Variants in NRDC observed in about 807,000 individuals in gnomAD.
NRDC encodes the protein nardilysin convertase.
A neutral mutation model predicts 147.1 loss-of-function variants in NRDC; 54 were observed. That is an observed-to-expected ratio of 0.37 (90% CI 0.29 to 0.46). NRDC has a LOEUF of 0.46. Among genes scored for constraint, NRDC ranks in the 20% least tolerant of loss-of-function variants. NRDC has a pLI of 1.00. For missense variants in NRDC, 1,082 were observed against 1,370.6 expected (o/e 0.79, Z 3.33); for synonymous variants, 440 against 482.1 (o/e 0.91, Z 1.14).
At chr1:51,808,477 T>G (rs1013387199) in intron 17 of NRDC, among the ~76,000 whole-genome samples, 1 of 152,258 alleles carries the variant, frequency 6.6e-6, no homozygotes, top group African/African-American at 2.4e-5. Flanking sequence ...CTACACTTTT[T>G]ATGAGTAATA....
intron 1 of NRDC, among the ~76,000 whole-genome samples, chr1:51,857,547 C>T (rs1485563096): frequency 2.6e-5 from 4 of 152,188 alleles, no homozygotes; most frequent in Non-Finnish European, 4.4e-5. Flanking sequence ...TCACGATGTC[C>T]ATTGCTTTCT....
chr1:51,798,158 A>C, intron 22 of NRDC, 91 bp downstream of exon 22: 2 of 1,352,738 alleles, frequency 1.5e-6, no homozygotes, highest in East Asian at 2.3e-5. Flanking sequence ...TGGCCTGCCA[A>C]AACTACAGCT....
At chr1:51,790,782 TATTGTA>T in intron 28 of NRDC, 112 bp downstream of exon 28, 1 of 965,102 alleles carries the variant, frequency 1.0e-6, no homozygotes, top group Non-Finnish European at 1.6e-6. Context: ...AGGGAGACAC[TATTGTA>T]AGAGGAAGGT....
intron 6 of NRDC, 151 bp from the exon 7 acceptor site, chr1:51,823,937 A>G (rs1680326175): frequency 2.0e-6 from 1 of 496,928 alleles, no homozygotes; most frequent in Admixed American, 3.6e-5. Flanking sequence ...TAATGTATTA[A>G]TATTAATAAG....
At chr1:51,803,158 T>C (rs1679286452) in intron 20 of NRDC, among the ~76,000 whole-genome samples, 2 of 152,136 alleles carry the variant, frequency 1.3e-5, no homozygotes, top group Admixed American at 6.5e-5. Context: ...TTCTACTCTA[T>C]TTCAGGCAAA....
chr1:51,858,167 T>A (rs1682350932), intron 1 of NRDC, among the ~76,000 whole-genome samples: 1 of 152,188 alleles, frequency 6.6e-6, no homozygotes, highest in African/African-American at 2.4e-5. Flanking sequence ...TTTTTATTGC[T>A]TTATTAAAAG....
At chr1:51,805,938 A>G (rs940151721) in intron 18 of NRDC, among the ~76,000 whole-genome samples, 4 of 152,226 alleles carry the variant, frequency 2.6e-5, no homozygotes, top group African/African-American at 9.6e-5. Flanking sequence ...GAATTTGAGG[A>G]GATTTTTAGA....
At chr1:51,798,057 A>G in intron 22 of NRDC, 192 bp downstream of exon 22, 1 of 534,556 alleles carries the variant, frequency 1.9e-6, no homozygotes, top group South Asian at 3.3e-5. Flanking sequence ...GGCGTGAGCC[A>G]TCATTCCCAG....
chr1:51,810,348 C>T lies in NRDC; in HGVS notation c.1836G>A (p.Leu612=). The T allele has an allele frequency of 1.2e-6, 2 of 1,612,004 alleles. No homozygotes were observed. The highest frequency in any genetic ancestry group is 8.5e-7 in the Non-Finnish European group (1 of 1,178,628). ...CACATTTTCCCTCATTAGCACCAGA[C>T]AGTAAAACAAGATTTGCTTTTTGAG... ...LVPQKANLVL[L]SGANEGKCDL... is the part of the protein sequence containing the mutation. Residue 612 remains leucine (L), a synonymous_variant, in exon 16 of 31, where the codon CTG becomes CTA. Coordinates refer to ENST00000352171, the MANE Select transcript of NRDC (RefSeq NM_001101662.2).
chr1:51,878,349 C>G lies in NRDC; in HGVS notation c.267G>C (p.Glu89Asp), dbSNP rs150559312. Residue 89 changes from glutamate to aspartate, a missense_variant, in exon 1 of 31, where the codon GAG (glutamate) becomes GAC (aspartate). Glu to Asp is a conservative substitution (Grantham distance 45, BLOSUM62 2). Transcript: ENST00000352171. The part of the protein sequence containing the change: ...ARLGADESEE[E>D]GRRGSLSNAG... Reference sequence around the variant, plus strand: ...CATTACTGAGAGACCCCCTCCGTCCCTCTTCCTCAGATTCATCCGCTCCTA... The same window carrying G: ...CATTACTGAGAGACCCCCTCCGTCCGTCTTCCTCAGATTCATCCGCTCCTA... 30 of 1,614,190 alleles carry G rather than the reference C, an allele frequency of 1.9e-5. No individual in the cohort carries two copies. The highest frequency in any genetic ancestry group is 2.5e-5 in the Non-Finnish European group (29 of 1,180,036).
In NRDC at chr1:51,878,713, G is replaced by A. The variant is rs1462317223; in HGVS notation, c.-98C>T. The A allele has an allele frequency of 7.3e-6, 8 of 1,092,710 alleles. No individual in the cohort carries two copies. The highest frequency in any genetic ancestry group is 2.1e-5 in the Admixed American group (1 of 46,576). 67.7% of individuals were successfully genotyped at this position (1,092,710 alleles called of 1,614,324 possible). ...GGCCGGCCCTGGTGCTGCCGCAGCC[G>A]CGGGGAACAGGCCTGAACCCCTCCC... On this transcript the variant is annotated 5_prime_UTR_variant, in exon 1 of 31. Transcript: ENST00000352171.
Position 51,834,191 on chromosome 1 carries a change from G to A in NRDC, c.713-21C>T, listed in dbSNP as rs186387939. On this transcript the variant is annotated intron_variant, in intron 3 of 30. Coordinates refer to ENST00000352171, the MANE Select transcript of NRDC (RefSeq NM_001101662.2). ...TACCACTAAATGGAAAGAACACAAA[G>A]TCACACAACACAAAGATATAGAAAA... The A allele has an allele frequency of 1.9e-4, 301 of 1,611,684 alleles. 2 individuals carry two copies. In the African/African-American group the frequency reaches 2.9e-3, roughly 16 times the overall value.
At chr1:51,805,754 C>T (rs1679433858) in intron 18 of NRDC, among the ~76,000 whole-genome samples, 193 bp from the exon 19 acceptor site, 1 of 152,026 alleles carries the variant, frequency 6.6e-6, no homozygotes, top group Admixed American at 6.6e-5. Flanking sequence ...TTCCAAAAGG[C>T]ACTCTTTAAT....
At chr1:51,808,596 G>T (rs1289699467) in intron 17 of NRDC, among the ~76,000 whole-genome samples, 3 of 152,138 alleles carry the variant, frequency 2.0e-5, no homozygotes, top group Admixed American at 6.5e-5. Flanking sequence ...GAACATGAAG[G>T]TCCATGTATT....
intron 1 of NRDC, chr1:51,859,854 A>C (rs2124067462): frequency 6.4e-6 from 1 of 155,930 alleles, no homozygotes; most frequent in African/African-American, 2.4e-5. Flanking sequence ...GGAGCATAAA[A>C]ATTGGCATGA....
At chr1:51,811,450 A>T (rs1201703797) in intron 15 of NRDC, among the ~76,000 whole-genome samples, 5 of 152,158 alleles carry the variant, frequency 3.3e-5, no homozygotes, top group Non-Finnish European at 1.5e-5. Flanking sequence ...CTGGAAGGCA[A>T]AAGTCACCTC....
At chr1:51,852,802 T>C (rs1031770266) in intron 1 of NRDC, among the ~76,000 whole-genome samples, 1 of 152,098 alleles carries the variant, frequency 6.6e-6, no homozygotes, top group African/African-American at 2.4e-5. Context: ...AATTTTATAA[T>C]TAGAATTTCT....
chr1:51,843,414 G>A (rs561052478), intron 1 of NRDC, among the ~76,000 whole-genome samples: 2 of 151,906 alleles, frequency 1.3e-5, no homozygotes, highest in South Asian at 4.2e-4. Context: ...CGACACCAAA[G>A]GAATCCACAT....
chr1:51,828,380 T>A (rs1680537594), intron 4 of NRDC, among the ~76,000 whole-genome samples: 1 of 152,242 alleles, frequency 6.6e-6, no homozygotes, highest in Non-Finnish European at 1.5e-5. Flanking sequence ...TCTATTTATG[T>A]AATGTTATGT....
Sources: gnomAD v4.1 joint callset for allele counts (sites outside exome capture counted in the v4.1 genomes callset) on GRCh38, gnomAD v4.1.1 for gene constraint, MANE v1.5 for transcripts, NCBI Gene and HGNC (gene_info 2026-07-23, HGNC 2026-07-21) for gene names.